FHIT: variants seen among roughly 807,000 people sequenced by gnomAD.
FHIT encodes the protein bis(5'-adenosyl)-triphosphatase.
FHIT carries 19 observed loss-of-function variants against 17.9 expected under a neutral mutation model. The ratio of observed to expected loss-of-function variants is 1.06; its 90% confidence interval spans 0.74 to 1.56. The LOEUF is 1.56. Ranked by LOEUF, FHIT falls within the 40% of genes most tolerant of loss-of-function variation. FHIT has a pLI of 0.00. For missense variants in FHIT, 248 were observed against 189.2 expected (o/e 1.31, Z -1.82); for synonymous variants, 81 against 69.7 (o/e 1.16, Z -0.81).
intron 5 of FHIT, among the ~76,000 whole-genome samples, chr3:60,203,435 A>G (rs1703011361): frequency 6.6e-6 from 1 of 152,174 alleles, no homozygotes; most frequent in African/African-American, 2.4e-5. Flanking sequence ...ATTCCCAGGA[A>G]ATAAGGACTG....
intron 3 of FHIT, among the ~76,000 whole-genome samples, chr3:61,000,241 A>ACTTGTAGG (rs2030976194): frequency 6.6e-6 from 1 of 152,148 alleles, no homozygotes; most frequent in South Asian, 2.1e-4. Flanking sequence ...GTAGGGTGAT[A>ACTTGTAGG]AGCCCTTAGC....
intron 5 of FHIT, among the ~76,000 whole-genome samples, chr3:60,429,074 C>G (rs1200713534): frequency 1.3e-5 from 2 of 151,964 alleles, no homozygotes; most frequent in Non-Finnish European, 2.9e-5. Context: ...GCACTGAGAC[C>G]TAGTTATCTC....
intron 4 of FHIT, among the ~76,000 whole-genome samples, chr3:60,621,589 G>GGA (rs139197296): frequency 6.8e-6 from 1 of 147,724 alleles, no homozygotes; most frequent in Non-Finnish European, 1.5e-5. Flanking sequence ...AGCATTATGT[G>GGA]AAAAAAAAAA....
rs143748711 is a variant in FHIT, at chr3:60,757,851, G to A, written c.-18+64068C>T. Reference sequence around the variant, plus strand: ...GTGAAGAATGGATGACACGACACTCGCATAGAAGTGGAAGACTAGTCTAGA... The same window carrying A: ...GTGAAGAATGGATGACACGACACTCACATAGAAGTGGAAGACTAGTCTAGA... On this transcript the variant is annotated intron_variant, in intron 4 of 9. Coordinates refer to ENST00000492590, the MANE Select transcript of FHIT (RefSeq NM_002012.4). Among the ~76,000 whole-genome samples, 143 of 152,300 alleles carry A rather than the reference G, an allele frequency of 9.4e-4. 1 individual carries two copies. The highest frequency in any genetic ancestry group is 3.1e-3 in the African/African-American group (127 of 41,564).
At chr3:61,227,160 T>C (rs1430062258) in intron 1 of FHIT, among the ~76,000 whole-genome samples, 2 of 152,208 alleles carry the variant, frequency 1.3e-5, no homozygotes, top group African/African-American at 4.8e-5. Flanking sequence ...CTCCTCAGAA[T>C]GTTTCCTTTC....
intron 3 of FHIT, among the ~76,000 whole-genome samples, chr3:60,893,886 A>G (rs1221948615): frequency 6.6e-6 from 1 of 152,214 alleles, no homozygotes; most frequent in Non-Finnish European, 1.5e-5. Context: ...AGGGGTTAGG[A>G]CAAGTAATCA....
intron 2 of FHIT, among the ~76,000 whole-genome samples, chr3:61,053,654 T>C (rs2034109341): frequency 8.0e-6 from 1 of 125,364 alleles, no homozygotes; most frequent in Non-Finnish European, 1.8e-5. Context: ...AGAGCAAAAC[T>C]CCGTCTCAAG....
At chr3:61,041,120 C>T (rs1050533516) in intron 3 of FHIT, among the ~76,000 whole-genome samples, 2 of 152,170 alleles carry the variant, frequency 1.3e-5, no homozygotes, top group Admixed American at 1.3e-4. Context: ...GTGGCTCACA[C>T]CTGTAATCCC....
chr3:59,776,429 A>G (rs879662491), intron 8 of FHIT, among the ~76,000 whole-genome samples: 1 of 152,178 alleles, frequency 6.6e-6, no homozygotes, highest in African/African-American at 2.4e-5. Context: ...TCAGTCACAG[A>G]GATGTGACAT....
chr3:59,837,687 C>A (rs901198887), intron 8 of FHIT, among the ~76,000 whole-genome samples: 1 of 152,134 alleles, frequency 6.6e-6, no homozygotes, highest in African/African-American at 2.4e-5. Context: ...TATGTGGATA[C>A]GTTTTTCTAT....
At chr3:60,767,205 T>C (rs1699886116) in intron 4 of FHIT, among the ~76,000 whole-genome samples, 1 of 152,082 alleles carries the variant, frequency 6.6e-6, no homozygotes. Flanking sequence ...ATAAAGTAAA[T>C]AGTATTTCAA....
At chr3:60,132,663 C>T (rs1013617823) in intron 5 of FHIT, among the ~76,000 whole-genome samples, 2 of 152,078 alleles carry the variant, frequency 1.3e-5, no homozygotes, top group African/African-American at 2.4e-5. Context: ...ATAAGTATTT[C>T]TGTGAGATTT....
chr3:60,442,568 A>G (rs533906955), intron 5 of FHIT, among the ~76,000 whole-genome samples: 1 of 152,248 alleles, frequency 6.6e-6, no homozygotes, highest in South Asian at 2.1e-4. Flanking sequence ...GGTTTGCCTA[A>G]GATCAGATAG....
At chr3:61,155,377 T>A (rs898885301) in intron 2 of FHIT, among the ~76,000 whole-genome samples, 4 of 152,076 alleles carry the variant, frequency 2.6e-5, no homozygotes, top group African/African-American at 7.2e-5. Flanking sequence ...TTAATTTTTT[T>A]AATTAAACTG....
At chr3:60,334,389 AAG>A (rs979143100) in intron 5 of FHIT, among the ~76,000 whole-genome samples, 15 of 152,304 alleles carry the variant, frequency 9.8e-5, no homozygotes, top group African/African-American at 3.6e-4. Flanking sequence ...CTAATAATAC[AAG>A]AGTCTCTAGA....
At chr3:60,404,416 G>T (rs1701772683) in intron 5 of FHIT, among the ~76,000 whole-genome samples, 1 of 152,142 alleles carries the variant, frequency 6.6e-6, no homozygotes, top group Non-Finnish European at 1.5e-5. Context: ...CTACTCAGTT[G>T]TCTCGGGATG....
At chr3:60,846,155 T>C (rs1405072740) in intron 3 of FHIT, among the ~76,000 whole-genome samples, 1 of 152,178 alleles carries the variant, frequency 6.6e-6, no homozygotes, top group African/African-American at 2.4e-5. Flanking sequence ...AGAGCAACAC[T>C]ACATAATACA....
intron 4 of FHIT, among the ~76,000 whole-genome samples, chr3:60,645,209 C>T (rs1457696777): frequency 1.1e-4 from 16 of 152,138 alleles, no homozygotes; most frequent in Admixed American, 1.0e-3. Context: ...CAGTCCAGAA[C>T]TGATCCCCAG....
intron 3 of FHIT, among the ~76,000 whole-genome samples, chr3:60,856,165 A>T (rs9311786): frequency 0.11 from 16,043 of 152,116 alleles, 2,766 homozygotes; most frequent in African/African-American, 0.36. Context: ...CAAAATGGTA[A>T]TGCATTCGAG....
Sources: allele counts gnomAD v4.1 joint callset (sites outside exome capture counted in the v4.1 genomes callset), GRCh38; gene constraint gnomAD v4.1.1; transcripts MANE v1.5; gene names NCBI Gene and HGNC (gene_info 2026-07-23, HGNC 2026-07-21).